The following LRP2 variants were observed in gnomAD, a reference collection of about 807,000 sequenced individuals.
LRP2 encodes the protein LDL receptor related protein 2.
In LRP2, 172 loss-of-function variants were observed where a neutral mutation model predicts 531.0. That is an observed-to-expected ratio of 0.32 (90% CI 0.29 to 0.37). The LOEUF (loss-of-function observed/expected upper bound fraction) is 0.37. LRP2 is among the 10% of genes least tolerant of loss of function. The probability of loss-of-function intolerance (pLI) is 1.00; values close to 1 mark genes in which losing one functional copy is unlikely to be tolerated. For missense variants in LRP2, 5,167 were observed against 5,868.3 expected (o/e 0.88, Z 3.90); for synonymous variants, 1,992 against 2,027.6 (o/e 0.98, Z 0.47).
chr2:169,210,745 G>A (rs954358805), intron 37 of LRP2, among the ~76,000 whole-genome samples: 2 of 152,178 alleles, frequency 1.3e-5, no homozygotes, highest in African/African-American at 4.8e-5. Context: ...ATAAAATATT[G>A]TGAGGCCAAC....
chr2:169,181,736 CTGAATTCTTTTCTG>C, intron 51 of LRP2, 118 bp from the exon 52 acceptor site: 6 of 75,048 alleles, frequency 8.0e-5, no homozygotes, highest in Non-Finnish European at 1.6e-4. Flanking sequence ...AGACTGCATT[CTGAATTCTTTTCTG>C]CATTCAGAAA....
Position 169,162,589 on chromosome 2 carries a change from T to C in LRP2, c.11770A>G (p.Thr3924Ala). Reference protein sequence around the residue: ...DETEEHCRKPTPKPCTEYEYK... With the variant: ...DETEEHCRKPAPKPCTEYEYK... ...TCATATTCTGTACAAGGTTTAGGGG[T>C]CGGTTTTCTACCTGCAATGTAAAAA... is the stretch of plus-strand genomic sequence containing the variant. Residue 3924 changes from threonine to alanine, a missense_variant, in exon 63 of 79, where the codon ACC becomes GCC. This residue lies in a region of LRP2 where 564 missense variants were observed against 747.7 expected (regional missense o/e 0.75). Coordinates refer to ENST00000649046, the MANE Select transcript of LRP2 (RefSeq NM_004525.3). 6.2e-7 allele frequency: 1 copy of C among 1,614,178 alleles called. No individual in the cohort carries two copies. The highest frequency in any genetic ancestry group is 1.3e-5 in the African/African-American group (1 of 75,056).
intron 35 of LRP2, 42 bp downstream of exon 35, chr2:169,216,211 C>T (rs756668889): frequency 2.2e-5 from 35 of 1,601,306 alleles, no homozygotes; most frequent in Non-Finnish European, 2.6e-6. Flanking sequence ...TCAGCTACAC[C>T]AGCTCAGCAT....
rs532904718 is a variant in LRP2 at position 169,197,600 on chromosome 2, T to C, written c.8579-570A>G. 7.9e-5 allele frequency among the ~76,000 whole-genome samples: 12 copies of C among 152,350 alleles called. No individual in the cohort carries two copies. In the South Asian group the frequency reaches 2.5e-3, roughly 32 times the overall value. ...GTAATTTTAGGTAGCTCTGGTTATATGCATTTTCCAAATTGTTATGTGGGT... is the reference window on the plus strand; with the variant it reads ...GTAATTTTAGGTAGCTCTGGTTATACGCATTTTCCAAATTGTTATGTGGGT... On this transcript the variant is annotated intron_variant, in intron 45 of 78. Coordinates refer to ENST00000649046, the MANE Select transcript of LRP2 (RefSeq NM_004525.3).
At chr2:169,336,980 G>C (rs538796810) in intron 1 of LRP2, among the ~76,000 whole-genome samples, 1 of 152,152 alleles carries the variant, frequency 6.6e-6, no homozygotes, top group Non-Finnish European at 1.5e-5. Context: ...TTAAAAGGCT[G>C]TTCTGATAGT....
intron 71 of LRP2, among the ~76,000 whole-genome samples, chr2:169,141,995 A>G (rs1685736895): frequency 1.3e-5 from 2 of 152,250 alleles, no homozygotes; most frequent in South Asian, 2.1e-4. Context: ...TCCTTTCCCC[A>G]TCAGCTAAAA....
chr2:169,265,756 T>C (rs1473515149), intron 16 of LRP2, among the ~76,000 whole-genome samples: 1 of 152,004 alleles, frequency 6.6e-6, no homozygotes, highest in Admixed American at 6.6e-5. Flanking sequence ...GAAGCTATCA[T>C]GTAACTTGTT....
chr2:169,347,164 T>C (rs1685716816), intron 1 of LRP2, among the ~76,000 whole-genome samples: 1 of 152,176 alleles, frequency 6.6e-6, no homozygotes, highest in African/African-American at 2.4e-5. Flanking sequence ...TGCATTACTA[T>C]CTCAACTAAC....
chr2:169,157,404 C>G lies in LRP2; in HGVS notation c.11986G>C (p.Glu3996Gln), dbSNP rs754365114. The G allele has an allele frequency of 1.2e-6, 2 of 1,613,202 alleles. No homozygotes were observed. Among genetic ancestry groups the G allele is most frequent in the Non-Finnish European group, 1.7e-6 (2 of 1,179,532 alleles). Residue 3996 changes from glutamate to glutamine, a missense_variant, in exon 64 of 79, where the codon GAA (glutamate) becomes CAA (glutamine). By Grantham distance (29) the Glu-to-Gln change is conservative (BLOSUM62 2). Transcript: ENST00000649046. Reference sequence around the variant, plus strand: ...GAGGTTCTGTCAAAAACATTGGTTTCGAACCCAGCTGTACAGGAGCAGATA... The same window carrying G: ...GAGGTTCTGTCAAAAACATTGGTTTGGAACCCAGCTGTACAGGAGCAGATA... ...GFICSCTAGF[E>Q]TNVFDRTSCL...
intron 2 of LRP2, among the ~76,000 whole-genome samples, chr2:169,319,362 A>G (rs1684850889): frequency 6.6e-6 from 1 of 152,210 alleles, no homozygotes; most frequent in African/African-American, 2.4e-5. Context: ...CTGAACCTCA[A>G]TGTATGCATC....
intron 41 of LRP2, among the ~76,000 whole-genome samples, chr2:169,204,889 A>G (rs1008648708): frequency 6.6e-6 from 1 of 152,232 alleles, no homozygotes; most frequent in East Asian, 1.9e-4. Flanking sequence ...AATGTGAGAC[A>G]TATGGGGGGT....
In LRP2 at chr2:169,140,531, T is replaced by C. The variant is rs1248128976; in HGVS notation, c.13123A>G (p.Ile4375Val). The change falls in exon 72 of 79, where the codon ATC (isoleucine) becomes GTC (valine). Residue 4375 changes from isoleucine to valine, a missense_variant. Ile to Val is a conservative substitution (Grantham distance 29). Transcript: ENST00000649046. ...CACCTGCATGGGGGGGGCAGGTTGATAGGCAGTTCGATGGCTGCAGGAAGG... is the reference window on the plus strand; with the variant it reads ...CACCTGCATGGGGGGGGCAGGTTGACAGGCAGTTCGATGGCTGCAGGAAGG... ...TECDAAIELP[I>V]NLPPPCRCMH... 1.2e-6 allele frequency: 2 copies of C among 1,613,884 alleles called. No homozygotes were observed. The highest frequency in any genetic ancestry group is 1.7e-6 in the Non-Finnish European group (2 of 1,179,820).
chr2:169,320,848 T>G lies in LRP2; in HGVS notation c.116A>C (p.His39Pro). The change falls in exon 2 of 79, where the codon CAT (histidine) becomes CCT (proline). Residue 39 changes from histidine (H) to proline (P), a missense_variant. Physicochemically the swap from His to Pro is moderately conservative, Grantham distance 77. Around this residue, in one of 6 missense-constraint regions of LRP2, gnomAD observed 2,811 missense variants for 3,058.0 expected, o/e 0.92. Coordinates refer to ENST00000649046, the MANE Select transcript of LRP2 (RefSeq NM_004525.3). Reference sequence around the variant, plus strand: ...ACACCTCCAGTCTGCAGGGATGCAATGCCCACTTCCACAGCGAAAATGCGC... The same window carrying G: ...ACACCTCCAGTCTGCAGGGATGCAAGGCCCACTTCCACAGCGAAAATGCGC... ...DSAHFRCGSG[H>P]CIPADWRCDG... is the part of the protein sequence containing the mutation. The G allele has an allele frequency of 6.2e-7, 1 of 1,614,116 alleles. No homozygotes were observed. The highest frequency in any genetic ancestry group is 8.5e-7 in the Non-Finnish European group (1 of 1,179,986).
chr2:169,225,170 G>A (rs1200092447), intron 33 of LRP2, 140 bp downstream of exon 33: 1 of 740,172 alleles, frequency 1.4e-6, no homozygotes, highest in Admixed American at 2.4e-5. Flanking sequence ...CAGAGACTTT[G>A]ATAGTTAACA....
At chr2:169,156,994 G>T (rs976386658) in intron 64 of LRP2, among the ~76,000 whole-genome samples, 2 of 152,166 alleles carry the variant, frequency 1.3e-5, no homozygotes, top group African/African-American at 4.8e-5. Context: ...GGCGTAAGTA[G>T]GTGTATAATA....
chr2:169,198,597 G>T (rs931791742), intron 45 of LRP2, among the ~76,000 whole-genome samples, 189 bp downstream of exon 45: 1 of 152,112 alleles, frequency 6.6e-6, no homozygotes, highest in Non-Finnish European at 1.5e-5. Flanking sequence ...TCTAGCCAGG[G>T]AACAGAGAGA....
intron 1 of LRP2, among the ~76,000 whole-genome samples, chr2:169,354,412 C>G (rs1420197628): frequency 6.6e-6 from 1 of 152,220 alleles, no homozygotes; most frequent in Non-Finnish European, 1.5e-5. Flanking sequence ...TCCATGGTAA[C>G]AGTGGCTCAA....
At chr2:169,359,940 A>T (rs1686098754) in intron 1 of LRP2, among the ~76,000 whole-genome samples, 1 of 152,032 alleles carries the variant, frequency 6.6e-6, no homozygotes, top group Non-Finnish European at 1.5e-5. Context: ...CCTGGCCAAC[A>T]TAGCAAAACC....
At chr2:169,162,339 G>T in intron 63 of LRP2, 133 bp downstream of exon 63, 1 of 972,662 alleles carries the variant, frequency 1.0e-6, no homozygotes, top group Non-Finnish European at 1.6e-6. Context: ...AGCTAGCTAT[G>T]GGCTTGACTG....
Sources: allele counts gnomAD v4.1 joint callset (sites outside exome capture counted in the v4.1 genomes callset), GRCh38; gene constraint gnomAD v4.1.1; regional missense constraint gnomAD v4.1.1; transcripts MANE v1.5; gene names NCBI Gene and HGNC (gene_info 2026-07-23, HGNC 2026-07-21).